PIK3R3: variants seen among roughly 807,000 people sequenced by gnomAD.
PIK3R3 encodes the protein phosphatidylinositol 3-kinase regulatory subunit gamma.
In PIK3R3, 64 loss-of-function variants were observed where a neutral mutation model predicts 62.9. The observed-to-expected ratio is 1.02, with a 90% CI of 0.83 to 1.25. The LOEUF is 1.25. PIK3R3 is among the 50% of genes most tolerant of loss of function. PIK3R3 has a pLI of 0.00. For synonymous variants in PIK3R3, 165 were observed against 189.0 expected (o/e 0.87, Z 1.04); for missense variants, 614 against 561.6 (o/e 1.09, Z -0.94).
At chr1:46,075,353 C>T (rs1055655153) in intron 3 of PIK3R3, among the ~76,000 whole-genome samples, 4 of 152,192 alleles carry the variant, frequency 2.6e-5, no homozygotes, top group African/African-American at 9.6e-5. Context: ...CAGTGGCTCA[C>T]GCCTGTAATC....
At position 46,042,258 on chromosome 1, in the gene PIK3R3, A is replaced by C. The variant is rs1647010666; in HGVS notation, c.*1415T>G. 4.4e-6 allele frequency: 1 copy of C among 227,796 alleles called. No individual in the cohort carries two copies. The highest frequency in any genetic ancestry group is 5.7e-5 in the Admixed American group (1 of 17,572). 14.1% of individuals were successfully genotyped at this position (227,796 alleles called of 1,614,324 possible). ...CTGGAAGGCTTAAGCCACATGGAGCAGAAGATTCCTGGCCTAAAATCAAGG... is the reference window on the plus strand; with the variant it reads ...CTGGAAGGCTTAAGCCACATGGAGCCGAAGATTCCTGGCCTAAAATCAAGG... On this transcript the variant is annotated 3_prime_UTR_variant, in exon 10 of 10. Transcript: ENST00000262741. The surrounding 1 kb of genome is among the most constrained non-coding windows in gnomAD (Gnocchi z 4.3).
intron 1 of PIK3R3, among the ~76,000 whole-genome samples, chr1:46,117,012 A>G (rs1338591845): frequency 6.6e-6 from 1 of 152,202 alleles, no homozygotes; most frequent in Non-Finnish European, 1.5e-5. Context: ...AGAAAGCAAG[A>G]ACTTCAGCAC....
At chr1:46,063,811 C>G (rs1648741634) in intron 5 of PIK3R3, among the ~76,000 whole-genome samples, 1 of 152,186 alleles carries the variant, frequency 6.6e-6, no homozygotes, top group African/African-American at 2.4e-5. Flanking sequence ...CTCTCCCAGT[C>G]TAATGGTTCC....
chr1:46,093,079 T>C (rs1158346237), intron 1 of PIK3R3, among the ~76,000 whole-genome samples: 9 of 152,182 alleles, frequency 5.9e-5, no homozygotes, highest in Non-Finnish European at 1.0e-4. Flanking sequence ...ATAAGCTACT[T>C]CAAAATCATA....
At chr1:46,053,565 T>C (rs894738681) in intron 7 of PIK3R3, among the ~76,000 whole-genome samples, 2 of 152,080 alleles carry the variant, frequency 1.3e-5, no homozygotes, top group African/African-American at 4.8e-5. Context: ...AGAGACCCCC[T>C]AGCTCCTTCT....
At chr1:46,092,354 C>CTGTTTTGTTT (rs556939504) in intron 1 of PIK3R3, among the ~76,000 whole-genome samples, 1 of 152,006 alleles carries the variant, frequency 6.6e-6, no homozygotes, top group Non-Finnish European at 1.5e-5. Context: ...TCCTTGACTT[C>CTGTTTTGTTT]TGTTTTGTTT....
At chr1:46,109,970 C>T (rs1282607012) in intron 1 of PIK3R3, among the ~76,000 whole-genome samples, 1 of 152,182 alleles carries the variant, frequency 6.6e-6, no homozygotes, top group Admixed American at 6.5e-5. Context: ...TTTCCTATTA[C>T]TTTCCCACAG....
upstream of PIK3R3, chr1:46,132,854 C>G (rs1655751260): frequency 8.3e-7 from 1 of 1,206,790 alleles, no homozygotes; most frequent in Admixed American, 3.1e-5. Flanking sequence ...CGTCTCCCCA[C>G]CGCTCTCTAG....
chr1:46,080,611 C>T (rs1302438238), intron 2 of PIK3R3, 31 bp downstream of exon 2: 1 of 1,397,462 alleles, frequency 7.2e-7, no homozygotes. Context: ...TTTTAAAAAA[C>T]TGCATTCAAT....
chr1:46,147,250 C>T, the PIK3R3 span, among the ~76,000 whole-genome samples: 2 of 152,108 alleles, frequency 1.3e-5, no homozygotes, highest in Non-Finnish European at 2.9e-5. Context: ...ACTACAGGTG[C>T]CTGCCACAAG....
chr1:46,093,680 A>G (rs776270801), intron 1 of PIK3R3, among the ~76,000 whole-genome samples: 1 of 151,968 alleles, frequency 6.6e-6, no homozygotes, highest in Non-Finnish European at 1.5e-5. Flanking sequence ...ACTTGAGTCC[A>G]GGAGTTTAAG....
intron 1 of PIK3R3, among the ~76,000 whole-genome samples, chr1:46,097,660 G>A (rs1323737629): frequency 1.3e-5 from 2 of 151,340 alleles, no homozygotes; most frequent in African/African-American, 4.9e-5. Flanking sequence ...GGCCGAGGCG[G>A]GTGGATCACC....
the PIK3R3 span, among the ~76,000 whole-genome samples, chr1:46,159,738 T>TACACACACACAC: frequency 1.9e-3 from 280 of 148,114 alleles, 2 homozygotes; most frequent in African/African-American, 6.4e-3. Context: ...ATGAGTACCA[T>TACACACACACAC]ACACACACAC....
At chr1:46,065,082 A>G (rs1648871112) in intron 5 of PIK3R3, among the ~76,000 whole-genome samples, 1 of 152,240 alleles carries the variant, frequency 6.6e-6, no homozygotes, top group Non-Finnish European at 1.5e-5. Flanking sequence ...TCAAAATAAT[A>G]ACCTGTGTTC....
chr1:46,071,756 G>A (rs1649551069), intron 3 of PIK3R3, among the ~76,000 whole-genome samples: 1 of 127,700 alleles, frequency 7.8e-6, no homozygotes, highest in Non-Finnish European at 1.6e-5. Context: ...GAGAGAGAGA[G>A]AGAGCGCGCG....
At chr1:46,173,803 G>A in the PIK3R3 span, among the ~76,000 whole-genome samples, 23 of 152,220 alleles carry the variant, frequency 1.5e-4, no homozygotes, top group African/African-American at 4.8e-4. Flanking sequence ...ACACACACTC[G>A]AGCACAAACA....
chr1:46,088,602 A>G (rs1258451844), intron 1 of PIK3R3, among the ~76,000 whole-genome samples: 1 of 152,156 alleles, frequency 6.6e-6, no homozygotes, highest in Admixed American at 6.5e-5. Context: ...AGTGGAACAA[A>G]GAGAGAAAGT....
At chr1:46,133,429 GC>G (rs371266549), upstream of PIK3R3, among the ~76,000 whole-genome samples, 84 of 152,346 alleles carry the variant, frequency 5.5e-4, no homozygotes, top group East Asian at 0.013. Flanking sequence ...CACAGAGGGG[GC>G]ACGTTCTGTC....
Position 46,119,204 on chromosome 1 carries a change from G to T in PIK3R3, c.106+12643C>A, listed in dbSNP as rs566957520. On this transcript the variant is annotated intron_variant, in intron 1 of 9. Coordinates refer to ENST00000262741, the MANE Select transcript of PIK3R3 (RefSeq NM_003629.4). ...ACTCCCTTAGAAATGTACAGTCCAT[G>T]AAGCATTTTTGCTGTTTTGTTCACT... Among the ~76,000 whole-genome samples the T allele has an allele frequency of 7.9e-5, 12 of 152,286 alleles. No homozygotes were observed. The South Asian group carries it at 2.5e-3, about 32-fold the overall frequency.
Sources: allele counts gnomAD v4.1 joint callset (sites outside exome capture counted in the v4.1 genomes callset), GRCh38; gene constraint gnomAD v4.1.1; non-coding constraint Gnocchi (gnomAD v3.1); transcripts MANE v1.5; gene names NCBI Gene and HGNC (gene_info 2026-07-23, HGNC 2026-07-21).